Variants in GRM1 observed in about 807,000 individuals in gnomAD.
The protein encoded by GRM1 is metabotropic glutamate receptor 1.
GRM1 carries 33 observed loss-of-function variants against 90.9 expected under a neutral mutation model. The observed-to-expected ratio is 0.36, with a 90% CI of 0.28 to 0.49. The LOEUF (loss-of-function observed/expected upper bound fraction) is 0.49, where lower values mean the gene tolerates loss of function less well. Among genes scored for constraint, GRM1 ranks in the 20% least tolerant of loss-of-function variants. The probability of loss-of-function intolerance (pLI) is 0.99; values close to 1 mark genes in which losing one functional copy is unlikely to be tolerated. For missense variants in GRM1, 1,190 were observed against 1,534.3 expected (o/e 0.78, Z 3.75); for synonymous variants, 700 against 613.2 (o/e 1.14, Z -2.09).
At chr6:146,168,890 G>A (rs1257099441) in intron 2 of GRM1, among the ~76,000 whole-genome samples, 1 of 151,982 alleles carries the variant, frequency 6.6e-6, no homozygotes, top group Non-Finnish European at 1.5e-5. Flanking sequence ...CTTATCACTA[G>A]TATTGAGTCA....
chr6:146,261,212 G>A (rs1562564552), intron 2 of GRM1, among the ~76,000 whole-genome samples: 1 of 152,088 alleles, frequency 6.6e-6, no homozygotes, highest in South Asian at 2.1e-4. Flanking sequence ...AAAATAAAAT[G>A]CCAAGGAGAA....
intron 1 of GRM1, among the ~76,000 whole-genome samples, chr6:146,067,492 T>C (rs1215720309): frequency 6.6e-6 from 1 of 152,132 alleles, no homozygotes; most frequent in Non-Finnish European, 1.5e-5. Context: ...TTAAATTTTT[T>C]TGGAATGGAA....
At chr6:146,248,648 G>T (rs1161628856) in intron 2 of GRM1, among the ~76,000 whole-genome samples, 1 of 152,174 alleles carries the variant, frequency 6.6e-6, no homozygotes, top group Non-Finnish European at 1.5e-5. Flanking sequence ...ATAGCAGTGT[G>T]AAAATGGACT....
chr6:146,409,698 AAAAG>A, intron 7 of GRM1, among the ~76,000 whole-genome samples: 1 of 152,312 alleles, frequency 6.6e-6, no homozygotes, highest in African/African-American at 2.4e-5. Flanking sequence ...ATAGAATAAA[AAAAG>A]AAAATCAGTG....
At position 146,304,830 on chromosome 6, in the gene GRM1, T is replaced by A; in HGVS notation, c.1170T>A (p.Phe390Leu). Residue 390 changes from phenylalanine to leucine, a missense_variant, in exon 3 of 8, where the codon TTT (phenylalanine) becomes TTA (leucine). Coordinates refer to ENST00000282753, the MANE Select transcript of GRM1 (RefSeq NM_001278064.2). The part of the protein sequence containing the change: ...LPGHLLENPN[F>L]KRICTGNESL... ...GACACCTTCTGGAAAATCCCAACTT[T>A]AAACGAATCTGCACAGGTAACTCAT... The A allele has an allele frequency of 6.2e-7, 1 of 1,609,618 alleles. No homozygotes were observed. The highest frequency in any genetic ancestry group is 8.5e-7 in the Non-Finnish European group (1 of 1,176,026).
chr6:146,316,267 T>G (rs1783962452), intron 3 of GRM1, among the ~76,000 whole-genome samples: 1 of 152,198 alleles, frequency 6.6e-6, no homozygotes, highest in Non-Finnish European at 1.5e-5. Context: ...CTTTTCTTCC[T>G]CAACCACACC....
rs1778627261 is a variant in GRM1 at position 146,437,414 on chromosome 6, A to G, written c.*2618A>G. The G allele has an allele frequency of 6.6e-6, 1 of 152,556 alleles. No individual in the cohort carries two copies. The highest frequency in any genetic ancestry group is 1.5e-5 in the Non-Finnish European group (1 of 68,022). The allele number at this position is 152,556 out of a possible 1,614,324, so 9.5% of individuals were successfully genotyped here. ...TAAATAGAGTATTAGTCCTTATGTC[A>G]TCATTGTTCAAAATTGGAGATGTAC... On this transcript the variant is annotated 3_prime_UTR_variant, in exon 8 of 8. Coordinates refer to ENST00000282753, the MANE Select transcript of GRM1 (RefSeq NM_001278064.2).
Position 146,434,252 on chromosome 6 carries a change from C to T in GRM1, c.3041C>T (p.Pro1014Leu), listed in dbSNP as rs1778515251. 3 of 1,600,266 alleles carry T rather than the reference C, an allele frequency of 1.9e-6. No individual in the cohort carries two copies. Among genetic ancestry groups the T allele is most frequent in the East Asian group, 2.2e-5 (1 of 44,626 alleles). Residue 1014 changes from proline (P) to leucine (L), a missense_variant, in exon 8 of 8, where the codon CCC becomes CTC. Physicochemically the swap from Pro to Leu is moderately conservative, Grantham distance 98. Transcript: ENST00000282753. ...GAACCAGCCCTCCCCAAGGGCTTGC[C>T]CCCTCCTCTCCAGCAGCAGCAGCAA... is the stretch of plus-strand genomic sequence containing the variant. ...LAEPALPKGL[P>L]PPLQQQQQPP...
In GRM1 at chr6:146,435,139, G is replaced by C. The variant is rs115297047; in HGVS notation, c.*343G>C. 8.9e-4 allele frequency: 368 copies of C among 415,568 alleles called. No individual in the cohort carries two copies. Among genetic ancestry groups the C allele is most frequent in the African/African-American group, 7.1e-3 (349 of 49,188 alleles). The allele number at this position is 415,568 out of a possible 1,614,324, so 25.7% of individuals were successfully genotyped here. ...ACATAATGTCCTCTTTTGCACAATT[G>C]TGCATAGATATATATATGCCCACAC... On this transcript the variant is annotated 3_prime_UTR_variant, in exon 8 of 8. Coordinates refer to ENST00000282753, the MANE Select transcript of GRM1 (RefSeq NM_001278064.2).
chr6:146,365,951 C>T (rs1395439299), intron 5 of GRM1, among the ~76,000 whole-genome samples: 5 of 152,174 alleles, frequency 3.3e-5, no homozygotes, highest in African/African-American at 1.2e-4. Flanking sequence ...GGTCCCTGGA[C>T]ATTTCCCTTG....
intron 2 of GRM1, among the ~76,000 whole-genome samples, chr6:146,192,284 T>G (rs1233567469): frequency 6.6e-6 from 1 of 152,160 alleles, no homozygotes; most frequent in Non-Finnish European, 1.5e-5. Context: ...ATTATCTGGG[T>G]TTACAATTAG....
intron 7 of GRM1, among the ~76,000 whole-genome samples, chr6:146,425,711 T>C (rs1191314673): frequency 6.6e-6 from 1 of 152,164 alleles, no homozygotes; most frequent in Non-Finnish European, 1.5e-5. Context: ...ACCCTAAGCA[T>C]CTTGTACCTG....
At chr6:146,343,266 A>G (rs573079231) in intron 3 of GRM1, among the ~76,000 whole-genome samples, 1 of 152,302 alleles carries the variant, frequency 6.6e-6, no homozygotes, top group East Asian at 1.9e-4. Context: ...AACATTGATC[A>G]CTCAGCTAAG....
In GRM1 at chr6:146,304,664, A is replaced by G. The variant is rs746930409; in HGVS notation, c.1004A>G (p.Asn335Ser). 1.9e-6 allele frequency: 3 copies of G among 1,614,038 alleles called. No homozygotes were observed. Among genetic ancestry groups the G allele is most frequent in the South Asian group, 2.2e-5 (2 of 91,078 alleles). The change falls in exon 3 of 8, where the codon AAC (asparagine) becomes AGC (serine). Residue 335 changes from asparagine to serine, a missense_variant. By Grantham distance (46) the Asn-to-Ser change is conservative. Transcript: ENST00000282753. ...ATTGAAGGTTATGAGGTGGAAGCCA[A>G]CGGGGGAATCACGATAAAGCTGCAG... ...EVIEGYEVEA[N>S]GGITIKLQSP...
intron 1 of GRM1, among the ~76,000 whole-genome samples, chr6:146,092,968 C>A (rs190042748): frequency 6.6e-6 from 1 of 151,998 alleles, no homozygotes; most frequent in Non-Finnish European, 1.5e-5. Flanking sequence ...TTTAAGAGAT[C>A]GGAATATAAT....
rs1251099486 is a variant in GRM1, at chr6:146,397,476, AAAAAAAAG to A, written c.1730-1285_1730-1278del. Among the ~76,000 whole-genome samples the A allele has an allele frequency of 5.6e-3, 790 of 140,288 alleles. 23 individuals carry two copies. The highest frequency in any genetic ancestry group is 0.018 in the African/African-American group (610 of 33,846). The allele number at this position is 140,288 out of a possible 152,430, so 92.0% of individuals were successfully genotyped here. On this transcript the variant is annotated intron_variant, in intron 6 of 7. Transcript: ENST00000282753. ...GCAACAGAGTGAGACCCCGTCTCAA[AAAAAAAAG>A]AAAAAAAAAAAAAAAAAAAAAGCAC...
At chr6:146,192,832 A>G (rs1471556904) in intron 2 of GRM1, among the ~76,000 whole-genome samples, 1 of 152,170 alleles carries the variant, frequency 6.6e-6, no homozygotes, top group Non-Finnish European at 1.5e-5. Flanking sequence ...CATTTTAAAC[A>G]GGCTTTTCTG....
rs538286557 is a variant in GRM1, at chr6:146,382,594, A to G, written c.1603-4296A>G. Among the ~76,000 whole-genome samples the G allele has an allele frequency of 4.3e-3, 648 of 152,282 alleles. 4 individuals are homozygous for G. Among genetic ancestry groups the G allele is most frequent in the African/African-American group, 0.014 (596 of 41,572 alleles). On this transcript the variant is annotated intron_variant, in intron 5 of 7. Coordinates refer to ENST00000282753, the MANE Select transcript of GRM1 (RefSeq NM_001278064.2). ...AATAGAAGGTAATATGCATTTAAGCATAGAGACTACCCTTCCTTTTTTCAC... is the reference window on the plus strand; with the variant it reads ...AATAGAAGGTAATATGCATTTAAGCGTAGAGACTACCCTTCCTTTTTTCAC...
chr6:146,320,073 C>G (rs1191606077), intron 3 of GRM1, among the ~76,000 whole-genome samples: 1 of 152,140 alleles, frequency 6.6e-6, no homozygotes, highest in East Asian at 1.9e-4. Flanking sequence ...CCAGCTATTG[C>G]CCATTCAGTA....
Sources: allele counts gnomAD v4.1 joint callset (sites outside exome capture counted in the v4.1 genomes callset), GRCh38; gene constraint gnomAD v4.1.1; transcripts MANE v1.5; gene names NCBI Gene and HGNC (gene_info 2026-07-23, HGNC 2026-07-21).